The following KCNQ2 variants were observed in gnomAD, a reference collection of about 807,000 sequenced individuals.
KCNQ2 encodes the protein potassium voltage-gated channel subfamily Q member 2.
KCNQ2 carries 14 observed loss-of-function variants against 84.8 expected under a neutral mutation model. The ratio of observed to expected loss-of-function variants is 0.17; its 90% confidence interval spans 0.11 to 0.26. The LOEUF (loss-of-function observed/expected upper bound fraction) is 0.26. KCNQ2 is among the 10% of genes least tolerant of loss of function. KCNQ2 has a pLI of 1.00. For missense variants in KCNQ2, 788 were observed against 1,254.0 expected, an observed-to-expected ratio of 0.63 and a Z score of 5.61; for synonymous variants, 599 against 554.1, an observed-to-expected ratio of 1.08 and a Z score of -1.14.
chr20:63,416,076 C>A (rs1441001483), intron 12 of KCNQ2, among the ~76,000 whole-genome samples: 1 of 152,218 alleles, frequency 6.6e-6, no homozygotes, highest in East Asian at 1.9e-4. Context: ...TGTCAGAGAA[C>A]TGCTCCTTCC....
At chr20:63,410,634 G>A (rs1210871887) in intron 15 of KCNQ2, among the ~76,000 whole-genome samples, 1 of 152,214 alleles carries the variant, frequency 6.6e-6, no homozygotes. Flanking sequence ...GGCAGTAACA[G>A]ACACGGCCCT....
intron 5 of KCNQ2, among the ~76,000 whole-genome samples, chr20:63,440,481 C>T (rs954094680): frequency 9.2e-5 from 14 of 152,164 alleles, no homozygotes; most frequent in Admixed American, 3.9e-4. Context: ...CAGAACCGCA[C>T]GCACCACAAG....
intron 9 of KCNQ2, 98 bp downstream of exon 9, chr20:63,431,242 G>C: frequency 1.5e-6 from 2 of 1,370,884 alleles, no homozygotes. Context: ...CTGCAGACCG[G>C]GTGGGCCACG....
In KCNQ2 at chr20:63,443,109, CACCACCACT is replaced by C. The variant is rs1462596298; in HGVS notation, c.691-587_691-579del. 1.8e-4 allele frequency among the ~76,000 whole-genome samples: 19 copies of C among 105,052 alleles called. 1 individual carries two copies. Among genetic ancestry groups the C allele is most frequent in the East Asian group, 3.4e-4 (1 of 2,978 alleles). The allele number at this position is 105,052 out of a possible 152,430, so 68.9% of individuals were successfully genotyped here. A position where few individuals can be genotyped will look rare whatever the true frequency, so the allele number is the denominator to read the frequency against. On this transcript the variant is annotated intron_variant, in intron 4 of 16. Coordinates refer to ENST00000359125, the MANE Select transcript of KCNQ2 (RefSeq NM_172107.4). ...CCATTATCACCACCATCACCATCACCACCACCACTATCACCACCACCACCATCATCACCA... is the reference window on the plus strand; with the variant it reads ...CCATTATCACCACCATCACCATCACCATCACCACCACCACCATCATCACCA...
At chr20:63,420,289 A>G (rs868606632) in intron 11 of KCNQ2, among the ~76,000 whole-genome samples, 1 of 152,228 alleles carries the variant, frequency 6.6e-6, no homozygotes, top group Admixed American at 6.5e-5. Context: ...TCAGGAGCGC[A>G]GCTCCCCGCC....
chr20:63,472,170 G>T lies in KCNQ2; in HGVS notation c.294C>A (p.Tyr98Ter). Residue 98 changes from tyrosine to a stop codon, truncating the protein, a stop_gained and splice_region_variant, in exon 1 of 17, where the codon TAC becomes TAA. Transcript: ENST00000359125. LOFTEE classifies it high-confidence loss of function. ...PRGWAFIYHA[Y>*]VFLLVFSCLV... is the part of the protein sequence containing the mutation. ...CGGGGGCCCCGCCGGCCACTCACAC[G>T]TAGGCGTGGTAGATGAACGCCCAGC... is the stretch of plus-strand genomic sequence containing the variant. The T allele has an allele frequency of 6.6e-7, 1 of 1,521,424 alleles. No individual in the cohort carries two copies. The highest frequency in any genetic ancestry group is 8.8e-7 in the Non-Finnish European group (1 of 1,134,884). 94.2% of individuals were successfully genotyped at this position (1,521,424 alleles called of 1,614,324 possible).
intron 3 of KCNQ2, among the ~76,000 whole-genome samples, 182 bp downstream of exon 3, chr20:63,445,056 C>A (rs2081371963): frequency 6.6e-6 from 1 of 152,144 alleles, no homozygotes; most frequent in South Asian, 2.1e-4. Flanking sequence ...CTCTTCCTGA[C>A]ATTTAGGCAG....
chr20:63,443,334 T>C (rs898389397), intron 4 of KCNQ2, among the ~76,000 whole-genome samples: 106 of 40,186 alleles, frequency 2.6e-3, no homozygotes, highest in African/African-American at 8.3e-3. Context: ...ACCATCACCA[T>C]CACCACCATC....
At chr20:63,445,764 A>ACCCTGTCTGAGCTGGGGGG (rs2081400837) in intron 2 of KCNQ2, among the ~76,000 whole-genome samples, 2 of 20,578 alleles carry the variant, frequency 9.7e-5, no homozygotes, top group Non-Finnish European at 1.9e-4. Flanking sequence ...GAGCTGGGGG[A>ACCCTGTCTGAGCTGGGGGG]CCCTGTCTGA....
intron 12 of KCNQ2, among the ~76,000 whole-genome samples, chr20:63,416,835 C>T (rs1038536388): frequency 1.2e-4 from 19 of 152,256 alleles, no homozygotes; most frequent in Middle Eastern, 3.4e-3. Context: ...GGCCTGGACA[C>T]GCGGATCGCT....
At chr20:63,418,283 A>G (rs1024410603) in intron 12 of KCNQ2, among the ~76,000 whole-genome samples, 1 of 152,136 alleles carries the variant, frequency 6.6e-6, no homozygotes, top group East Asian at 1.9e-4. Context: ...CGTGGCACCT[A>G]CGCTTGGGGC....
intron 12 of KCNQ2, among the ~76,000 whole-genome samples, chr20:63,418,232 G>A (rs1352190026): frequency 5.3e-5 from 8 of 152,212 alleles, no homozygotes; most frequent in African/African-American, 1.9e-4. Flanking sequence ...CACCTGGGAG[G>A]AGCCCTCGGC....
chr20:63,445,100 G>A lies in KCNQ2; in HGVS notation c.514+138C>T, dbSNP rs562479169. ...ACAGCCTCTGACTCCAAGTCAGCAGGTGAAAAGAAACTTCCAGAAGGAGCC... is the reference window on the plus strand; with the variant it reads ...ACAGCCTCTGACTCCAAGTCAGCAGATGAAAAGAAACTTCCAGAAGGAGCC... On this transcript the variant is annotated intron_variant, in intron 3 of 16. Transcript: ENST00000359125. 7 of 1,215,314 alleles carry A rather than the reference G, an allele frequency of 5.8e-6. No homozygotes were observed. In the African/African-American group the frequency reaches 6.0e-5, roughly 10 times the overall value. The allele number at this position is 1,215,314 out of a possible 1,614,324, so 75.3% of individuals were successfully genotyped here. A position where few individuals can be genotyped will look rare whatever the true frequency, so the allele number is the denominator to read the frequency against.
intron 7 of KCNQ2, 170 bp from the exon 8 acceptor site, chr20:63,434,073 C>T (rs2080914737): frequency 8.2e-6 from 5 of 606,526 alleles, no homozygotes; most frequent in South Asian, 2.0e-5. Flanking sequence ...CCCACAGCCT[C>T]AGTTTACCCT....
chr20:63,427,616 T>C (rs568163647), intron 10 of KCNQ2, among the ~76,000 whole-genome samples: 1 of 152,374 alleles, frequency 6.6e-6, no homozygotes, highest in East Asian at 1.9e-4. Flanking sequence ...CAGGCAGCCC[T>C]TGGCTTGTGG....
At chr20:63,444,286 C>T (rs2081348250) in intron 4 of KCNQ2, among the ~76,000 whole-genome samples, 1 of 152,254 alleles carries the variant, frequency 6.6e-6, no homozygotes, top group Admixed American at 6.5e-5. Context: ...TAAACAACCA[C>T]CAGGCAGGTG....
In KCNQ2 at chr20:63,460,332, G is replaced by A. The variant is rs867689022; in HGVS notation, c.296+11836C>T. Among the ~76,000 whole-genome samples, 5 of 152,136 alleles carry A rather than the reference G, an allele frequency of 3.3e-5. No individual in the cohort carries two copies. The highest frequency in any genetic ancestry group is 3.3e-4 in the Admixed American group (5 of 15,284). ...CCCTCAACAAGGGGGCTCCTCCTGA[G>A]ACATCCCACACTCCCTTCATGGGCT... is the stretch of plus-strand genomic sequence containing the variant. On this transcript the variant is annotated intron_variant, in intron 1 of 16. Transcript: ENST00000359125. This position sits in a 1 kb window ranked among gnomAD's most constrained non-coding sequence, Gnocchi z 5.4.
At chr20:63,459,327 G>A (rs2081890226) in intron 1 of KCNQ2, 1 of 152,234 alleles carries the variant, frequency 6.6e-6, no homozygotes. Flanking sequence ...ACCAGCCTGG[G>A]TAACACAATG....
chr20:63,462,856 G>A (rs772549375), intron 1 of KCNQ2, among the ~76,000 whole-genome samples: 3 of 152,122 alleles, frequency 2.0e-5, no homozygotes, highest in Non-Finnish European at 4.4e-5. Flanking sequence ...GGCAGGACAC[G>A]GAGTGACTCC....
Sources: allele counts gnomAD v4.1 joint callset (sites outside exome capture counted in the v4.1 genomes callset), GRCh38; gene constraint gnomAD v4.1.1; non-coding constraint Gnocchi (gnomAD v3.1); transcripts MANE v1.5; gene names NCBI Gene and HGNC (gene_info 2026-07-23, HGNC 2026-07-21).